The following PEPD variants were observed in gnomAD, a reference collection of about 807,000 sequenced individuals.
The protein encoded by PEPD is peptidase D, also known as xaa-Pro dipeptidase.
PEPD carries 53 observed loss-of-function variants against 60.7 expected under a neutral mutation model. The observed-to-expected ratio is 0.87, with a 90% confidence interval of 0.70 to 1.10. The LOEUF is 1.10. PEPD is among the 50% of genes least tolerant of loss of function. The pLI is 0.00. For synonymous variants in PEPD, 267 were observed against 284.1 expected (o/e 0.94, Z 0.60); for missense variants, 711 against 711.9 (o/e 1.00, Z 0.01).
In PEPD at chr19:33,436,398, G is replaced by T. The variant is rs556155179; in HGVS notation, c.672-22755C>A. Among the ~76,000 whole-genome samples the T allele has an allele frequency of 3.3e-5, 5 of 152,244 alleles. No homozygotes were observed. In the East Asian group the frequency reaches 5.8e-4, roughly 18 times the overall value. Reference sequence around the variant, plus strand: ...CCGTCCTCAGCATCTCCCAATGGCCGAGTACAGGGGTGCTTCTGCCTCATC... The same window carrying T: ...CCGTCCTCAGCATCTCCCAATGGCCTAGTACAGGGGTGCTTCTGCCTCATC... On this transcript the variant is annotated intron_variant, in intron 9 of 14. Transcript: ENST00000244137.
chr19:33,466,175 A>G lies in PEPD; in HGVS notation c.549-2113T>C, dbSNP rs149399312. On this transcript the variant is annotated intron_variant, in intron 7 of 14. Coordinates refer to ENST00000244137, the MANE Select transcript of PEPD (RefSeq NM_000285.4). ...CAGATAAAATCAATAGGAAGCTTAA[A>G]GCTCTTAGTGATATGGTGAAGAAGA... Among the ~76,000 whole-genome samples the G allele has an allele frequency of 4.0e-4, 61 of 152,358 alleles. No individual in the cohort carries two copies. In the Middle Eastern group the frequency reaches 0.014, roughly 34 times the overall value.
intron 9 of PEPD, among the ~76,000 whole-genome samples, chr19:33,415,346 G>A (rs755278680): frequency 2.0e-5 from 3 of 152,202 alleles, no homozygotes; most frequent in East Asian, 1.9e-4. Context: ...GATGCCATCC[G>A]CATGTGCAGA....
chr19:33,479,772 T>C (rs1472727030), intron 6 of PEPD, among the ~76,000 whole-genome samples: 2 of 152,238 alleles, frequency 1.3e-5, no homozygotes, highest in African/African-American at 2.4e-5. Flanking sequence ...TATGGTTGCA[T>C]AGTATTCCAT....
At chr19:33,478,565 G>A (rs576495438) in intron 6 of PEPD, among the ~76,000 whole-genome samples, 1 of 152,092 alleles carries the variant, frequency 6.6e-6, no homozygotes, top group African/African-American at 2.4e-5. Context: ...AAAGCAGCAA[G>A]AGAAAAGTAT....
chr19:33,442,762 A>T (rs982408847), intron 9 of PEPD, among the ~76,000 whole-genome samples: 4 of 152,070 alleles, frequency 2.6e-5, no homozygotes, highest in African/African-American at 9.7e-5. Context: ...AATAAATAAA[A>T]TAATGGTCCC....
chr19:33,451,627 A>AG (rs1040623847), intron 9 of PEPD, among the ~76,000 whole-genome samples: 25 of 152,330 alleles, frequency 1.6e-4, no homozygotes, highest in Admixed American at 1.6e-3. Context: ...TAACACGGGG[A>AG]GGCTCTCCAT....
chr19:33,517,928 T>C (rs1418641614), intron 1 of PEPD, among the ~76,000 whole-genome samples: 3 of 150,988 alleles, frequency 2.0e-5, no homozygotes, highest in Non-Finnish European at 4.4e-5. Context: ...GATCGCGCCA[T>C]TGCACTCCAG....
At chr19:33,445,361 C>A (rs1444565737) in intron 9 of PEPD, among the ~76,000 whole-genome samples, 4 of 152,210 alleles carry the variant, frequency 2.6e-5, no homozygotes, top group African/African-American at 9.6e-5. Context: ...TACATCAAAG[C>A]CCCAATTTAC....
intron 7 of PEPD, among the ~76,000 whole-genome samples, chr19:33,465,398 G>T (rs905955110): frequency 7.2e-5 from 11 of 152,158 alleles, no homozygotes; most frequent in African/African-American, 2.7e-4. Context: ...GGTGGGTCCT[G>T]TAAGTTGCAG....
chr19:33,443,772 C>T (rs1969532662), intron 9 of PEPD, among the ~76,000 whole-genome samples: 1 of 152,034 alleles, frequency 6.6e-6, no homozygotes, highest in Admixed American at 6.5e-5. Context: ...AATGGGTGTA[C>T]CATACGCACA....
intron 7 of PEPD, among the ~76,000 whole-genome samples, chr19:33,469,449 C>A (rs113057294): frequency 6.6e-6 from 1 of 152,188 alleles, no homozygotes; most frequent in African/African-American, 2.4e-5. Flanking sequence ...TTCTGCCCCC[C>A]ACGGGAGCCG....
chr19:33,452,981 T>C (rs373467808), intron 9 of PEPD, among the ~76,000 whole-genome samples: 3 of 152,290 alleles, frequency 2.0e-5, no homozygotes, highest in South Asian at 2.1e-4. Flanking sequence ...GAAAAAAATA[T>C]ATAGCTCAAT....
intron 9 of PEPD, among the ~76,000 whole-genome samples, chr19:33,431,587 G>A (rs773122254): frequency 1.3e-5 from 2 of 152,156 alleles, no homozygotes; most frequent in East Asian, 1.9e-4. Context: ...GGACATCCTC[G>A]GAGACACTCC....
At chr19:33,390,162 T>C (rs1165712534) in intron 13 of PEPD, among the ~76,000 whole-genome samples, 1 of 152,266 alleles carries the variant, frequency 6.6e-6, no homozygotes, top group Non-Finnish European at 1.5e-5. Context: ...AATGTTTATC[T>C]GTCAGAAGAA....
intron 2 of PEPD, among the ~76,000 whole-genome samples, chr19:33,512,010 C>T (rs1040309353): frequency 6.6e-6 from 1 of 152,198 alleles, no homozygotes; most frequent in Non-Finnish European, 1.5e-5. Context: ...CCTCTCCACA[C>T]TCAGCTCCCC....
intron 5 of PEPD, among the ~76,000 whole-genome samples, chr19:33,490,946 A>G (rs1414863395): frequency 2.0e-5 from 3 of 151,960 alleles, no homozygotes; most frequent in Non-Finnish European, 4.4e-5. Context: ...TACAGGCATG[A>G]GCCACTATGC....
intron 12 of PEPD, among the ~76,000 whole-genome samples, chr19:33,400,753 T>C (rs866515142): frequency 2.0e-5 from 3 of 152,302 alleles, no homozygotes; most frequent in South Asian, 2.1e-4. Context: ...CTCAATTCTC[T>C]CCTCTGGGCA....
intron 4 of PEPD, among the ~76,000 whole-genome samples, chr19:33,496,629 G>A (rs1386983735): frequency 1.3e-5 from 2 of 152,248 alleles, no homozygotes; most frequent in Admixed American, 6.5e-5. Flanking sequence ...GCACGGCTCT[G>A]TCAACTCAGG....
intron 12 of PEPD, 107 bp from the exon 13 acceptor site, chr19:33,391,586 C>G: frequency 3.8e-6 from 4 of 1,063,562 alleles, no homozygotes; most frequent in Non-Finnish European, 5.6e-6. Flanking sequence ...GTGGGAGGGC[C>G]TGAGGTGGGG....
Sources: allele counts gnomAD v4.1 joint callset (sites outside exome capture counted in the v4.1 genomes callset), GRCh38; gene constraint gnomAD v4.1.1; transcripts MANE v1.5; gene names NCBI Gene and HGNC (gene_info 2026-07-23, HGNC 2026-07-21).